Variants in ISM1 observed in about 807,000 individuals in gnomAD.
The protein encoded by ISM1 is isthmin 1.
A neutral mutation model predicts 46.3 loss-of-function variants in ISM1; 25 were observed. The ratio of observed to expected loss-of-function variants is 0.54; its 90% CI spans 0.39 to 0.75. The LOEUF (loss-of-function observed/expected upper bound fraction) is 0.75. Among genes scored for constraint, ISM1 ranks in the 30% least tolerant of loss-of-function variants. The pLI is 0.00. For synonymous variants in ISM1, 255 were observed against 256.7 expected (o/e 0.99, Z 0.06); for missense variants, 536 against 625.4 (o/e 0.86, Z 1.52).
At chr20:13,320,862 G>A in the ISM1 span, among the ~76,000 whole-genome samples, 3 of 152,138 alleles carry the variant, frequency 2.0e-5, no homozygotes, top group African/African-American at 4.8e-5. Context: ...TGACTAGAAC[G>A]TAGTCATATG....
intron 4 of ISM1, among the ~76,000 whole-genome samples, chr20:13,291,721 TAA>T (rs1227895677): frequency 3.3e-5 from 5 of 152,196 alleles, no homozygotes; most frequent in Admixed American, 6.5e-5. Context: ...CCAACAATGC[TAA>T]GTGTCCTAGA....
At chr20:13,243,305 G>C (rs1053428028) in intron 1 of ISM1, among the ~76,000 whole-genome samples, 1 of 152,154 alleles carries the variant, frequency 6.6e-6, no homozygotes, top group Non-Finnish European at 1.5e-5. Flanking sequence ...TGGAGGCCCT[G>C]ATGTCTTCTT....
At chr20:13,280,905 T>C (rs1388946569) in intron 3 of ISM1, among the ~76,000 whole-genome samples, 1 of 152,232 alleles carries the variant, frequency 6.6e-6, no homozygotes, top group Non-Finnish European at 1.5e-5. Flanking sequence ...AATGCACCCA[T>C]CGTCATGATT....
At chr20:13,246,282 A>T (rs534156480) in intron 1 of ISM1, among the ~76,000 whole-genome samples, 83 of 152,050 alleles carry the variant, frequency 5.5e-4, no homozygotes, top group Non-Finnish European at 1.5e-4. Context: ...CAAAAAAAAA[A>T]AAAAAGCTTT....
intron 1 of ISM1, among the ~76,000 whole-genome samples, chr20:13,246,625 G>C (rs2039797752): frequency 6.6e-6 from 1 of 152,212 alleles, no homozygotes; most frequent in Non-Finnish European, 1.5e-5. Context: ...TTATAGATGA[G>C]AAACCTGAGA....
intron 1 of ISM1, among the ~76,000 whole-genome samples, chr20:13,233,451 C>T (rs1021092629): frequency 3.3e-5 from 5 of 151,916 alleles, no homozygotes; most frequent in South Asian, 2.1e-4. Flanking sequence ...CAAAATTAGC[C>T]GGGCGTGGTG....
intron 1 of ISM1, among the ~76,000 whole-genome samples, chr20:13,225,645 G>A (rs1365581046): frequency 6.6e-6 from 1 of 152,090 alleles, no homozygotes; most frequent in Non-Finnish European, 1.5e-5. Context: ...TTGGGTAACT[G>A]GCTGATGAAA....
chr20:13,292,501 AG>A, intron 5 of ISM1, 38 bp downstream of exon 5: 1 of 1,257,864 alleles, frequency 7.9e-7, no homozygotes, highest in Non-Finnish European at 1.1e-6. Context: ...ATATTGACTT[AG>A]TGCCTCGGAG....
chr20:13,232,788 G>T (rs2039602982), intron 1 of ISM1, among the ~76,000 whole-genome samples: 1 of 152,202 alleles, frequency 6.6e-6, no homozygotes, highest in Admixed American at 6.5e-5. Context: ...GCATTTGAAG[G>T]TTGAATCCCA....
At chr20:13,270,857 A>C in intron 2 of ISM1, 114 bp downstream of exon 2, 2 of 952,000 alleles carry the variant, frequency 2.1e-6, no homozygotes, top group Non-Finnish European at 3.2e-6. Context: ...CCCCTTAATG[A>C]TTCCTGCTTA....
At chr20:13,223,715 A>C (rs1319652031) in intron 1 of ISM1, among the ~76,000 whole-genome samples, 1 of 152,198 alleles carries the variant, frequency 6.6e-6, no homozygotes, top group Non-Finnish European at 1.5e-5. Context: ...GGGAATTTCT[A>C]TGCGGAAGTT....
the ISM1 span, among the ~76,000 whole-genome samples, chr20:13,314,339 A>G: frequency 9.9e-5 from 15 of 151,948 alleles, no homozygotes; most frequent in Admixed American, 2.0e-4. Flanking sequence ...TGATTTTTAA[A>G]CTACAGAAAA....
rs1211426420 is a variant in ISM1 at position 13,221,708 on chromosome 20, C to T, written c.-69C>T. On this transcript the variant is annotated 5_prime_UTR_variant, in exon 1 of 6. Coordinates refer to ENST00000262487, the MANE Select transcript of ISM1 (RefSeq NM_080826.2). ...GCCGGGCTCCCGGGCTCCTACTCCTCCTCCCCCGGCGTCACCGCCGCCGCC... is the reference window on the plus strand; with the variant it reads ...GCCGGGCTCCCGGGCTCCTACTCCTTCTCCCCCGGCGTCACCGCCGCCGCC... The T allele has an allele frequency of 1.2e-5, 15 of 1,286,832 alleles. No individual in the cohort carries two copies. The East Asian group carries it at 3.6e-4, about 31-fold the overall frequency. 79.7% of individuals were successfully genotyped at this position (1,286,832 alleles called of 1,614,324 possible).
intron 2 of ISM1, among the ~76,000 whole-genome samples, chr20:13,276,324 T>C (rs2040178752): frequency 6.6e-6 from 1 of 152,180 alleles, no homozygotes. Flanking sequence ...AGACTGAGAA[T>C]GGTGTGGGTT....
chr20:13,266,674 A>G (rs1447853921), intron 1 of ISM1, among the ~76,000 whole-genome samples: 3 of 152,224 alleles, frequency 2.0e-5, no homozygotes, highest in Non-Finnish European at 2.9e-5. Context: ...ACTGGGGCAG[A>G]ATGAATTCAA....
intron 1 of ISM1, among the ~76,000 whole-genome samples, chr20:13,251,713 T>C (rs2039870123): frequency 6.6e-6 from 1 of 152,218 alleles, no homozygotes; most frequent in Non-Finnish European, 1.5e-5. Context: ...TTCTCAAGCC[T>C]GCTTTCAAAA....
At chr20:13,303,080 C>T (rs1295223224), downstream of ISM1, among the ~76,000 whole-genome samples, 2 of 152,192 alleles carry the variant, frequency 1.3e-5, no homozygotes, top group East Asian at 3.9e-4. Flanking sequence ...ATTATTACAT[C>T]CAGTCTATAG....
chr20:13,291,889 C>T (rs1600562187), intron 4 of ISM1, among the ~76,000 whole-genome samples: 1 of 152,302 alleles, frequency 6.6e-6, no homozygotes, highest in East Asian at 1.9e-4. Context: ...ATTATTTCAA[C>T]TCTAGGAGGT....
chr20:13,225,965 T>C (rs2039520270), intron 1 of ISM1, among the ~76,000 whole-genome samples: 1 of 145,476 alleles, frequency 6.9e-6, no homozygotes. Context: ...TAAAGGTATC[T>C]CCTTTGTCTG....
Sources: allele counts gnomAD v4.1 joint callset (sites outside exome capture counted in the v4.1 genomes callset), GRCh38; gene constraint gnomAD v4.1.1; transcripts MANE v1.5; gene names NCBI Gene and HGNC (gene_info 2026-07-23, HGNC 2026-07-21).